The following ATP5PB variants were observed in gnomAD, a reference collection of about 807,000 sequenced individuals.
ATP5PB encodes the protein ATP synthase peripheral stalk subunit b, mitochondrial.
Under a neutral mutation model 34.5 loss-of-function variants are expected in ATP5PB, and 21 were observed. That is an observed-to-expected ratio of 0.61 (90% CI 0.43 to 0.88). The LOEUF is 0.88. ATP5PB is among the 40% of genes least tolerant of loss of function. ATP5PB has a pLI of 0.00. For synonymous variants in ATP5PB, 108 were observed against 114.1 expected (o/e 0.95, Z 0.34); for missense variants, 293 against 317.4 (o/e 0.92, Z 0.58).
chr1:111,454,493 A>G (rs1460628743), intron 3 of ATP5PB, 137 bp downstream of exon 3: 9 of 1,118,014 alleles, frequency 8.0e-6, no homozygotes, highest in Middle Eastern at 3.1e-4. Flanking sequence ...GTATTACTCT[A>G]TCACCCAGGA....
At chr1:111,453,206 A>T (rs1653381500) in intron 2 of ATP5PB, among the ~76,000 whole-genome samples, 1 of 152,280 alleles carries the variant, frequency 6.6e-6, no homozygotes, top group African/African-American at 2.4e-5. Context: ...GCTTAAGGAG[A>T]CATCAGTATG....
chr1:111,449,658 A>C (rs1653249876), intron 1 of ATP5PB, 77 bp downstream of exon 1: 13 of 1,556,070 alleles, frequency 8.4e-6, no homozygotes, highest in South Asian at 1.2e-5. Flanking sequence ...GGGAGGGGAG[A>C]AGGGCGCAGC....
chr1:111,454,499 C>A, intron 3 of ATP5PB, 143 bp downstream of exon 3: 1 of 1,079,224 alleles, frequency 9.3e-7, no homozygotes, highest in Non-Finnish European at 1.3e-6. Context: ...CTCTATCACC[C>A]AGGATGGAGT....
intron 3 of ATP5PB, among the ~76,000 whole-genome samples, chr1:111,455,883 T>C (rs1653458491): frequency 6.6e-6 from 1 of 152,260 alleles, no homozygotes; most frequent in African/African-American, 2.4e-5. Context: ...TCTTTAAAAT[T>C]GTAGAGTCAG....
At chr1:111,459,760 CG>C (rs1653567318) in intron 6 of ATP5PB, 124 bp downstream of exon 6, 5 of 1,058,866 alleles carry the variant, frequency 4.7e-6, no homozygotes, top group Non-Finnish European at 6.7e-6. Flanking sequence ...AGTGTAACCC[CG>C]GTTTGTTTTT....
At chr1:111,458,678 A>T (rs1188400310) in intron 5 of ATP5PB, among the ~76,000 whole-genome samples, 2 of 146,708 alleles carry the variant, frequency 1.4e-5, no homozygotes, top group African/African-American at 5.5e-5. Flanking sequence ...TCATTGAAGG[A>T]TCATTCTGAT....
At chr1:111,458,675 A>G (rs1003642881) in intron 5 of ATP5PB, among the ~76,000 whole-genome samples, 1 of 152,154 alleles carries the variant, frequency 6.6e-6, no homozygotes, top group African/African-American at 2.4e-5. Flanking sequence ...AAGTCATTGA[A>G]GGATCATTCT....
Position 111,449,494 on chromosome 1 carries a change from A to G in ATP5PB, c.-48A>G, listed in dbSNP as rs1447825777. 25 of 1,614,034 alleles carry G rather than the reference A, an allele frequency of 1.5e-5. No homozygotes were observed. The highest frequency in any genetic ancestry group is 2.0e-5 in the Non-Finnish European group (24 of 1,180,022). ...TGGTCCTGCCCTGACAGATTCTCCT[A>G]TCGGGGTCACAGGGACGCTAAGATT... On this transcript the variant is annotated 5_prime_UTR_variant, in exon 1 of 7. Coordinates refer to ENST00000369722, the MANE Select transcript of ATP5PB (RefSeq NM_001688.5).
At chr1:111,453,067 T>G (rs1653377158) in intron 2 of ATP5PB, among the ~76,000 whole-genome samples, 1 of 152,144 alleles carries the variant, frequency 6.6e-6, no homozygotes, top group Non-Finnish European at 1.5e-5. Context: ...TAAATTCTTA[T>G]ATTACAAGGA....
rs1653640434 is a variant in ATP5PB, at chr1:111,462,183, C to T, written c.*1189C>T. ...CAGCCATTGTTCACAATAGCTAAAA[C>T]ATAGAAGCAGCCCAATCGGCCATCA... is the stretch of plus-strand genomic sequence containing the variant. On this transcript the variant is annotated 3_prime_UTR_variant, in exon 7 of 7. Transcript: ENST00000369722. 2 of 152,160 alleles carry T rather than the reference C, an allele frequency of 1.3e-5. 1 individual carries two copies. Among genetic ancestry groups the T allele is most frequent in the South Asian group, 4.1e-4 (2 of 4,834 alleles). The allele number at this position is 152,160 out of a possible 1,614,324, so 9.4% of individuals were successfully genotyped here. A position where few individuals can be genotyped will look rare whatever the true frequency, so the allele number is the denominator to read the frequency against.
At chr1:111,456,851 C>T (rs367939934) in intron 5 of ATP5PB, 96 bp downstream of exon 5, 35 of 1,352,564 alleles carry the variant, frequency 2.6e-5, no homozygotes, top group South Asian at 8.3e-5. Context: ...ATAGATTGAA[C>T]GTATTTTATT....
chr1:111,459,587 T>C lies in ATP5PB; in HGVS notation c.644T>C (p.Met215Thr), dbSNP rs573246874. 11 of 1,613,914 alleles carry C rather than the reference T, an allele frequency of 6.8e-6. No homozygotes were observed. The African/African-American group carries it at 1.5e-4, about 22-fold the overall frequency. ...NMMRRKEQEH[M>T]INWVEKHVVQ... ...ATGCGTCGAAAGGAACAAGAACACA[T>C]GATAAATTGGGTGGAGAAGCACGTG... Residue 215 changes from methionine (M) to threonine (T), a missense_variant, in exon 6 of 7, where the codon ATG becomes ACG. Met to Thr is a moderately conservative substitution (Grantham distance 81). Transcript: ENST00000369722.
At chr1:111,456,811 A>C in intron 5 of ATP5PB, 56 bp downstream of exon 5, 1 of 1,492,582 alleles carries the variant, frequency 6.7e-7, no homozygotes. Context: ...GCATTTTTTT[A>C]ATTCAGAATT....
At chr1:111,457,209 A>T (rs558153054) in intron 5 of ATP5PB, among the ~76,000 whole-genome samples, 2 of 152,222 alleles carry the variant, frequency 1.3e-5, no homozygotes, top group South Asian at 4.1e-4. Context: ...GGACTTGAGG[A>T]GGGTGAGGCA....
rs1012761669 is a variant in ATP5PB at position 111,460,692 on chromosome 1, C to T, written c.694-225C>T. Reference sequence around the variant, plus strand: ...GGTTTCACCCATAAAGGCTGTGAGCCAGGGAATTTTAACTAACCCCCTGGA... The same window carrying T: ...GGTTTCACCCATAAAGGCTGTGAGCTAGGGAATTTTAACTAACCCCCTGGA... On this transcript the variant is annotated intron_variant, in intron 6 of 6. Transcript: ENST00000369722. 6.4e-4 allele frequency among the ~76,000 whole-genome samples: 97 copies of T among 152,082 alleles called. 1 individual carries two copies. Among genetic ancestry groups the T allele is most frequent in the Admixed American group, 4.1e-3 (63 of 15,262 alleles).
At position 111,449,541 on chromosome 1, in the gene ATP5PB, C is replaced by T. The variant is rs750004922; in HGVS notation, c.-1C>T. 24 of 1,613,608 alleles carry T rather than the reference C, an allele frequency of 1.5e-5. No individual in the cohort carries two copies. The highest frequency in any genetic ancestry group is 1.4e-4 in the South Asian group (13 of 90,970). ...GATTGCTACCTGGACTTTCGTTGACCATGCTGTCCCGGGTGGTACTTTCCG... is the reference window on the plus strand; with the variant it reads ...GATTGCTACCTGGACTTTCGTTGACTATGCTGTCCCGGGTGGTACTTTCCG... On this transcript the variant is annotated 5_prime_UTR_variant, in exon 1 of 7. Transcript: ENST00000369722.
Position 111,459,615 on chromosome 1 carries a change from G to A in ATP5PB, c.672G>A (p.Val224=), listed in dbSNP as rs1378688938. The A allele has an allele frequency of 6.2e-7, 1 of 1,613,866 alleles. No individual in the cohort carries two copies. Among genetic ancestry groups the A allele is most frequent in the Non-Finnish European group, 8.5e-7 (1 of 1,179,818 alleles). The part of the protein sequence containing the change: ...HMINWVEKHV[V]QSISTQQEKE... ...TAAATTGGGTGGAGAAGCACGTGGTGCAAAGCATCTCCACACAGCAGGTAC... is the reference window on the plus strand; with the variant it reads ...TAAATTGGGTGGAGAAGCACGTGGTACAAAGCATCTCCACACAGCAGGTAC... Residue 224 remains valine (V), a synonymous_variant, in exon 6 of 7, where the codon GTG becomes GTA. Transcript: ENST00000369722.
chr1:111,449,484 A>G lies in ATP5PB; in HGVS notation c.-58A>G. On this transcript the variant is annotated 5_prime_UTR_variant, in exon 1 of 7. Transcript: ENST00000369722. Reference sequence around the variant, plus strand: ...GCGGCCATCTTGGTCCTGCCCTGACAGATTCTCCTATCGGGGTCACAGGGA... The same window carrying G: ...GCGGCCATCTTGGTCCTGCCCTGACGGATTCTCCTATCGGGGTCACAGGGA... The G allele has an allele frequency of 6.2e-7, 1 of 1,614,190 alleles. No homozygotes were observed.
chr1:111,454,074 C>T, intron 2 of ATP5PB, 137 bp from the exon 3 acceptor site: 6 of 934,930 alleles, frequency 6.4e-6, no homozygotes, highest in Middle Eastern at 3.4e-4. Context: ...TTCCCATTCC[C>T]AGTCCATTCT....
Sources: allele counts gnomAD v4.1 joint callset (sites outside exome capture counted in the v4.1 genomes callset), GRCh38; gene constraint gnomAD v4.1.1; transcripts MANE v1.5; gene names NCBI Gene and HGNC (gene_info 2026-07-23, HGNC 2026-07-21).